Variants in PM20D2 observed in about 807,000 individuals in gnomAD.
PM20D2 encodes peptidase M20 domain containing 2.
In PM20D2, 33 loss-of-function variants were observed where a neutral mutation model predicts 42.9. The observed-to-expected ratio is 0.77, with a 90% CI of 0.58 to 1.03. The LOEUF (loss-of-function observed/expected upper bound fraction) is 1.03. PM20D2 is among the 50% of genes least tolerant of loss of function. The pLI is 0.00. For synonymous variants in PM20D2, 250 were observed against 228.2 expected, an observed-to-expected ratio of 1.10 and a Z score of -0.86; for missense variants, 548 against 557.0, an observed-to-expected ratio of 0.98 and a Z score of 0.16.
In PM20D2 at chr6:89,146,433, C is replaced by A; in HGVS notation, c.289C>A (p.Arg97=). 6.6e-7 allele frequency: 1 copy of A among 1,523,914 alleles called. No individual in the cohort carries two copies. Among genetic ancestry groups the A allele is most frequent in the African/African-American group, 1.4e-5 (1 of 71,048 alleles). The allele number at this position is 1,523,914 out of a possible 1,614,324, so 94.4% of individuals were successfully genotyped here. ...FRAEWEPPEA[R]APSATPRPLH... ...CGCCGAGTGGGAGCCGCCGGAGGCC[C>A]GGGCACCGAGCGCCACGCCACGCCC... The change falls in exon 1 of 7, where the codon CGG becomes AGG. Residue 97 remains arginine (R), a synonymous_variant. Transcript: ENST00000275072.
intron 1 of PM20D2, 62 bp from the exon 2 acceptor site, chr6:89,149,203 C>T: frequency 1.3e-6 from 2 of 1,553,428 alleles, no homozygotes; most frequent in Non-Finnish European, 1.8e-6. Flanking sequence ...GCAGGTGAAC[C>T]TGTTTGATAT....
At chr6:89,101,698 A>C in the PM20D2 span, among the ~76,000 whole-genome samples, 1 of 18,052 alleles carries the variant, frequency 5.5e-5, no homozygotes, top group Non-Finnish European at 1.8e-4. Context: ...ACTCTGTCTC[A>C]AAAAAAAATA....
chr6:89,125,156 G>A, the PM20D2 span, among the ~76,000 whole-genome samples: 2 of 152,260 alleles, frequency 1.3e-5, no homozygotes, highest in Non-Finnish European at 2.9e-5. Context: ...TCAGTTAAAA[G>A]GGTCTTGTGT....
At chr6:89,125,340 T>G in the PM20D2 span, among the ~76,000 whole-genome samples, 1 of 151,562 alleles carries the variant, frequency 6.6e-6, no homozygotes, top group East Asian at 2.0e-4. Flanking sequence ...ATTAGCTGGG[T>G]GTGGTGGCAG....
the PM20D2 span, among the ~76,000 whole-genome samples, chr6:89,114,279 T>C: frequency 6.6e-6 from 1 of 152,062 alleles, no homozygotes; most frequent in African/African-American, 2.4e-5. Flanking sequence ...AATACAAAAA[T>C]TAGCCAGGCA....
At chr6:89,128,377 C>G in the PM20D2 span, among the ~76,000 whole-genome samples, 1 of 152,114 alleles carries the variant, frequency 6.6e-6, no homozygotes, top group African/African-American at 2.4e-5. Context: ...GAAAACTCCA[C>G]CCTGGTAAAT....
Position 89,146,353 on chromosome 6 carries a change from C to T in PM20D2, c.209C>T (p.Pro70Leu). The change falls in exon 1 of 7, where the codon CCG (proline) becomes CTG (leucine). Residue 70 changes from proline (P) to leucine (L), a missense_variant. Physicochemically the swap from Pro to Leu is moderately conservative, Grantham distance 98. This residue lies in a region of PM20D2 where 470 missense variants were observed against 464.4 expected (regional missense o/e 1.01). Coordinates refer to ENST00000275072, the MANE Select transcript of PM20D2 (RefSeq NM_001010853.3). ...CTGACGCACTTCTTCGAGCGGGAGC[C>T]GCCCGCGGCCTCCTGGGCAGTGCAG... ...RVLTHFFERE[P>L]PAASWAVQPH... The T allele has an allele frequency of 1.3e-6, 2 of 1,554,934 alleles. No individual in the cohort carries two copies. Among genetic ancestry groups the T allele is most frequent in the Non-Finnish European group, 1.7e-6 (2 of 1,158,516 alleles).
the PM20D2 span, among the ~76,000 whole-genome samples, chr6:89,120,017 C>T: frequency 2.6e-5 from 4 of 152,174 alleles, no homozygotes; most frequent in African/African-American, 9.7e-5. Flanking sequence ...GCAAAAGGCA[C>T]ATCTTACATG....
the PM20D2 span, among the ~76,000 whole-genome samples, chr6:89,111,627 A>T: frequency 6.6e-6 from 1 of 152,022 alleles, no homozygotes; most frequent in Non-Finnish European, 1.5e-5. Flanking sequence ...TTTGTATTTT[A>T]TATCTTTTTT....
chr6:89,120,917 A>G, the PM20D2 span, among the ~76,000 whole-genome samples: 2 of 152,178 alleles, frequency 1.3e-5, no homozygotes, highest in African/African-American at 4.8e-5. Context: ...TCATGTATAA[A>G]TAGAATTTTT....
At chr6:89,137,094 C>T in the PM20D2 span, among the ~76,000 whole-genome samples, 2 of 151,262 alleles carry the variant, frequency 1.3e-5, no homozygotes, top group Non-Finnish European at 2.9e-5. Flanking sequence ...TCCACTGAAA[C>T]TTTACCAACA....
the PM20D2 span, among the ~76,000 whole-genome samples, chr6:89,132,113 G>A: frequency 2.6e-5 from 4 of 152,112 alleles, no homozygotes; most frequent in Admixed American, 6.6e-5. Flanking sequence ...AATCCTGAAG[G>A]AGGAAATAAG....
chr6:89,130,819 C>CTTTTTTTTTTTTTTTT, the PM20D2 span, among the ~76,000 whole-genome samples: 8 of 24,056 alleles, frequency 3.3e-4, no homozygotes, highest in African/African-American at 7.2e-4. Context: ...GCTTCTTCTT[C>CTTTTTTTTTTTTTTTT]TTTTTTTTTT....
At chr6:89,107,123 A>C in the PM20D2 span, 9 of 1,568,578 alleles carry the variant, frequency 5.7e-6, no homozygotes, top group African/African-American at 1.2e-4. Flanking sequence ...TATACAGTAT[A>C]TTCACATGCA....
chr6:89,161,493 A>G (rs2127782528), intron 5 of PM20D2, among the ~76,000 whole-genome samples: 1 of 152,238 alleles, frequency 6.6e-6, no homozygotes, highest in South Asian at 2.1e-4. Flanking sequence ...GTCACAGAAG[A>G]GAAGAAAGGG....
the PM20D2 span, chr6:89,098,568 C>T: frequency 6.2e-7 from 1 of 1,600,974 alleles, no homozygotes; most frequent in Non-Finnish European, 8.5e-7. Context: ...GGTGCTCTTT[C>T]TGTTGCTGTT....
At chr6:89,097,868 A>C in the PM20D2 span, 1 of 152,188 alleles carries the variant, frequency 6.6e-6, no homozygotes, top group Admixed American at 6.6e-5. Context: ...AGTGTTGCTC[A>C]GCCTAATTTT....
At chr6:89,125,412 G>A in the PM20D2 span, among the ~76,000 whole-genome samples, 6,018 of 151,984 alleles carry the variant, frequency 0.04, 231 homozygotes, top group African/African-American at 0.096. Flanking sequence ...CCTGGGAGGC[G>A]GAGGTTGCAG....
chr6:89,120,734 A>G, the PM20D2 span, among the ~76,000 whole-genome samples: 1 of 152,026 alleles, frequency 6.6e-6, no homozygotes, highest in Non-Finnish European at 1.5e-5. Flanking sequence ...TTAGCCAACC[A>G]TGGTGGCACA....
Sources: gnomAD v4.1 joint callset for allele counts (sites outside exome capture counted in the v4.1 genomes callset) on GRCh38, gnomAD v4.1.1 for gene constraint, gnomAD v4.1.1 regional missense constraint, MANE v1.5 for transcripts, NCBI Gene and HGNC (gene_info 2026-07-23, HGNC 2026-07-21) for gene names.